TBX5: variants seen among roughly 807,000 people sequenced by gnomAD.
The protein encoded by TBX5 is T-box transcription factor TBX5.
A neutral mutation model predicts 51.1 loss-of-function variants in TBX5; 8 were observed. The observed-to-expected ratio is 0.16, with a 90% CI of 0.09 to 0.28. The LOEUF (loss-of-function observed/expected upper bound fraction) is 0.28. TBX5 is among the 10% of genes least tolerant of loss of function. TBX5 has a pLI of 1.00. For missense variants in TBX5, 589 were observed against 671.7 expected (o/e 0.88, Z 1.36); for synonymous variants, 302 against 266.4 (o/e 1.13, Z -1.30).
chr12:114,356,572 A>T (rs1868932568), intron 8 of TBX5, among the ~76,000 whole-genome samples: 1 of 152,138 alleles, frequency 6.6e-6, no homozygotes, highest in Non-Finnish European at 1.5e-5. Context: ...TCTCAAAAAT[A>T]AATAAATAGC....
intron 3 of TBX5, 27 bp downstream of exon 3, chr12:114,401,799 C>G: frequency 1.2e-6 from 2 of 1,610,128 alleles, no homozygotes; most frequent in South Asian, 2.2e-5. Flanking sequence ...CTCCTCGTCC[C>G]TCTCTCTACA....
chr12:114,395,361 A>G (rs957220936), intron 5 of TBX5, among the ~76,000 whole-genome samples: 5 of 152,162 alleles, frequency 3.3e-5, no homozygotes, highest in African/African-American at 9.7e-5. Flanking sequence ...GCAAGAGAAG[A>G]TATCAAGTGT....
intron 7 of TBX5, among the ~76,000 whole-genome samples, chr12:114,380,729 T>C (rs773250477): frequency 1.3e-5 from 2 of 152,108 alleles, no homozygotes; most frequent in Admixed American, 6.6e-5. Context: ...CTTCAGACGC[T>C]AAGGCAGGAG....
chr12:114,405,900 C>T lies in TBX5; in HGVS notation c.-311G>A, dbSNP rs1203100358. On this transcript the variant is annotated 5_prime_UTR_variant, in exon 1 of 9. Coordinates refer to ENST00000405440, the MANE Select transcript of TBX5 (RefSeq NM_181486.4). ...GCGCCAAAGAACACAAAATAGCCTC[C>T]AAGAGCACCGGCAACCATATAATCT... 1 of 985,484 alleles carries T rather than the reference C, an allele frequency of 1.0e-6. No individual in the cohort carries two copies. Among genetic ancestry groups the T allele is most frequent in the Non-Finnish European group, 1.2e-6 (1 of 830,070 alleles). 61.0% of individuals were successfully genotyped at this position (985,484 alleles called of 1,614,324 possible). A position where few individuals can be genotyped will look rare whatever the true frequency, so the allele number is the denominator to read the frequency against.
intron 7 of TBX5, among the ~76,000 whole-genome samples, chr12:114,372,588 G>T (rs751589103): frequency 2.6e-5 from 4 of 151,732 alleles, no homozygotes; most frequent in African/African-American, 9.7e-5. Context: ...TAATAGACAT[G>T]AGCCACCTTA....
At chr12:114,363,121 T>C (rs1593843909) in intron 8 of TBX5, among the ~76,000 whole-genome samples, 1 of 152,320 alleles carries the variant, frequency 6.6e-6, no homozygotes, top group Admixed American at 6.5e-5. Context: ...GATGATCTCA[T>C]TTCCCCTCAT....
At chr12:114,374,097 C>T (rs188206456) in intron 7 of TBX5, among the ~76,000 whole-genome samples, 301 of 152,324 alleles carry the variant, frequency 2.0e-3, no homozygotes, top group Admixed American at 2.9e-3. Context: ...TGGTGACCTT[C>T]GCTTCTGAGG....
chr12:114,404,030 C>T, intron 1 of TBX5, 94 bp from the exon 2 acceptor site: 2 of 1,384,742 alleles, frequency 1.4e-6, no homozygotes, highest in Non-Finnish European at 2.0e-6. Flanking sequence ...CAGGAGGGAG[C>T]AGTTTGGCCC....
chr12:114,405,328 G>A (rs1009163826), intron 1 of TBX5, among the ~76,000 whole-genome samples: 9 of 152,180 alleles, frequency 5.9e-5, no homozygotes, highest in Admixed American at 2.0e-4. Flanking sequence ...ACTGCCGGCC[G>A]CGGGGAGAAT....
intron 6 of TBX5, among the ~76,000 whole-genome samples, chr12:114,389,059 G>C (rs1870998827): frequency 6.6e-6 from 1 of 152,034 alleles, no homozygotes; most frequent in African/African-American, 2.4e-5. Context: ...CTCCCGAGTA[G>C]CTGAGATGAC....
intron 8 of TBX5, among the ~76,000 whole-genome samples, chr12:114,357,188 CT>C: frequency 6.6e-6 from 1 of 152,272 alleles, no homozygotes; most frequent in South Asian, 2.1e-4. Flanking sequence ...CTTCCCTTCC[CT>C]GTGTACTAGT....
chr12:114,356,580 A>T (rs1422937325), intron 8 of TBX5, among the ~76,000 whole-genome samples: 2 of 152,156 alleles, frequency 1.3e-5, no homozygotes. Flanking sequence ...ATAAATAAAT[A>T]GCAATTATTA....
intron 7 of TBX5, among the ~76,000 whole-genome samples, chr12:114,373,929 A>C (rs944558600): frequency 1.3e-5 from 2 of 152,204 alleles, no homozygotes; most frequent in African/African-American, 4.8e-5. Context: ...TAGGGTGGTG[A>C]GAAGGAGTCC....
intron 6 of TBX5, among the ~76,000 whole-genome samples, chr12:114,391,224 A>T (rs1871128168): frequency 6.6e-6 from 1 of 152,250 alleles, no homozygotes; most frequent in Non-Finnish European, 1.5e-5. Context: ...ACGCTAGACA[A>T]ATAGTCCTTG....
chr12:114,404,778 G>A (rs1410688804), intron 1 of TBX5, among the ~76,000 whole-genome samples: 1 of 152,110 alleles, frequency 6.6e-6, no homozygotes, highest in African/African-American at 2.4e-5. Flanking sequence ...GCCGAAAGGG[G>A]TTTCTCTGAA....
At chr12:114,404,780 T>C (rs1372618362) in intron 1 of TBX5, among the ~76,000 whole-genome samples, 2 of 152,168 alleles carry the variant, frequency 1.3e-5, no homozygotes, top group East Asian at 3.9e-4. Context: ...CGAAAGGGGT[T>C]TCTCTGAACT....
intron 8 of TBX5, among the ~76,000 whole-genome samples, chr12:114,359,756 G>A (rs188486096): frequency 6.6e-6 from 1 of 152,284 alleles, no homozygotes; most frequent in East Asian, 1.9e-4. Context: ...CCATGTGACT[G>A]GATGAATCAC....
intron 2 of TBX5, among the ~76,000 whole-genome samples, chr12:114,402,558 C>A (rs1170091996): frequency 6.6e-6 from 1 of 152,142 alleles, no homozygotes; most frequent in African/African-American, 2.4e-5. Flanking sequence ...GATAATTAAT[C>A]CTAAATATCT....
intron 1 of TBX5, 157 bp from the exon 2 acceptor site, chr12:114,404,093 G>C: frequency 1.5e-6 from 1 of 683,558 alleles, no homozygotes. Context: ...ACTGCAGAAG[G>C]CCCTAGAATT....
Sources: gnomAD v4.1 joint callset for allele counts (sites outside exome capture counted in the v4.1 genomes callset) on GRCh38, gnomAD v4.1.1 for gene constraint, MANE v1.5 for transcripts, NCBI Gene and HGNC (gene_info 2026-07-23, HGNC 2026-07-21) for gene names.